PAK2: variants seen among roughly 807,000 people sequenced by gnomAD.
PAK2 encodes serine/threonine-protein kinase PAK 2.
In PAK2, 21 loss-of-function variants were observed where a neutral mutation model predicts 65.9. The ratio of observed to expected loss-of-function variants is 0.32; its 90% CI spans 0.23 to 0.46. The LOEUF (loss-of-function observed/expected upper bound fraction) is 0.46. Ranked by LOEUF, PAK2 falls within the 20% of genes least tolerant of loss-of-function variation. PAK2 has a pLI of 1.00. For synonymous variants in PAK2, 204 were observed against 219.7 expected (o/e 0.93, Z 0.63); for missense variants, 324 against 642.6 (o/e 0.50, Z 5.36).
Position 196,828,689 on chromosome 3 carries a change from T to A in PAK2, c.*284T>A, listed in dbSNP as rs1020170221. The A allele has an allele frequency of 2.6e-5, 9 of 346,510 alleles. No individual in the cohort carries two copies. The highest frequency in any genetic ancestry group is 8.8e-5 in the African/African-American group (4 of 45,294). The allele number at this position is 346,510 out of a possible 1,614,324, so 21.5% of individuals were successfully genotyped here. ...CAGGGCCATTTATCATGTGTGAGAT[T>A]TGCATTTTACTTTGCTGACTTTGTT... On this transcript the variant is annotated 3_prime_UTR_variant, in exon 15 of 15. Transcript: ENST00000327134.
intron 1 of PAK2, among the ~76,000 whole-genome samples, chr3:196,745,739 G>A (rs1577691980): frequency 1.3e-5 from 2 of 151,734 alleles, no homozygotes; most frequent in Non-Finnish European, 2.9e-5. Flanking sequence ...GTCTGAGCCC[G>A]GGAGGCGGAG....
chr3:196,780,416 C>T (rs1404389787), intron 1 of PAK2, among the ~76,000 whole-genome samples: 1 of 152,198 alleles, frequency 6.6e-6, no homozygotes, highest in East Asian at 1.9e-4. Flanking sequence ...TCACGTCTTA[C>T]GTGGATGGTG....
At chr3:196,775,313 A>G (rs982907482) in intron 1 of PAK2, among the ~76,000 whole-genome samples, 6 of 152,372 alleles carry the variant, frequency 3.9e-5, no homozygotes, top group African/African-American at 1.2e-4. Flanking sequence ...CTTTAGTTCT[A>G]TTAGACTGAG....
chr3:196,799,417 A>G (rs1192188985), intron 2 of PAK2, among the ~76,000 whole-genome samples: 1 of 152,182 alleles, frequency 6.6e-6, no homozygotes, highest in Non-Finnish European at 1.5e-5. Flanking sequence ...AAGCCCCAGT[A>G]AGAGAGTGTT....
At chr3:196,796,708 CAT>C (rs1333693141) in intron 2 of PAK2, among the ~76,000 whole-genome samples, 1 of 152,034 alleles carries the variant, frequency 6.6e-6, no homozygotes, top group Non-Finnish European at 1.5e-5. Flanking sequence ...TACTTTAAAA[CAT>C]AAAGCCACAA....
chr3:196,780,210 AAGAT>A (rs1560101669), intron 1 of PAK2, among the ~76,000 whole-genome samples: 3 of 152,050 alleles, frequency 2.0e-5, no homozygotes, highest in African/African-American at 7.2e-5. Flanking sequence ...TTTGCACACA[AAGAT>A]AGAGATCTTT....
chr3:196,805,819 C>CA (rs199798203), intron 5 of PAK2, among the ~76,000 whole-genome samples: 1,978 of 152,098 alleles, frequency 0.013, 20 homozygotes, highest in South Asian at 0.039. Context: ...TTTTTGGAAA[C>CA]AGTCGTTTTA....
At chr3:196,812,139 T>C in intron 8 of PAK2, 80 bp from the exon 9 acceptor site, 2 of 835,030 alleles carry the variant, frequency 2.4e-6, no homozygotes, top group Non-Finnish European at 4.2e-6. Flanking sequence ...TTTCAATTGC[T>C]TGAAGTGTAA....
intron 12 of PAK2, among the ~76,000 whole-genome samples, chr3:196,818,599 T>C (rs1711554329): frequency 6.6e-6 from 1 of 152,116 alleles, no homozygotes; most frequent in East Asian, 1.9e-4. Context: ...GCTACTGAAC[T>C]CAGGTATCTT....
At chr3:196,740,568 C>G (rs933389729) in intron 1 of PAK2, among the ~76,000 whole-genome samples, 2 of 152,178 alleles carry the variant, frequency 1.3e-5, no homozygotes, top group African/African-American at 2.4e-5. Context: ...CACTGATTCT[C>G]AGCCCCTGCT....
rs1715070509 is a variant in PAK2, at chr3:196,791,635, A to C, written c.187+8802A>C. ...TTTTTCTTTATGTGTTAAGAAATAT[A>C]ATTCCTGGGCCGGGCGTGGTGGCTC... On this transcript the variant is annotated intron_variant, in intron 2 of 14. Transcript: ENST00000327134. This position sits in a 1 kb window ranked among gnomAD's most constrained non-coding sequence, Gnocchi z 4.0. Among the ~76,000 whole-genome samples, 1 of 152,168 alleles carries C rather than the reference A, an allele frequency of 6.6e-6. No homozygotes were observed. The highest frequency in any genetic ancestry group is 1.5e-5 in the Non-Finnish European group (1 of 68,036).
rs1711966667 is a variant in PAK2, at chr3:196,828,720, AG to A, written c.*316del. On this transcript the variant is annotated 3_prime_UTR_variant, in exon 15 of 15. Coordinates refer to ENST00000327134, the MANE Select transcript of PAK2 (RefSeq NM_002577.4). ...TTTACTTTGCTGACTTTGTTGTAAT[AG>A]ATCCCATTCATTGTCCCCTTTGGGG... The A allele has an allele frequency of 7.1e-6, 2 of 282,604 alleles. No individual in the cohort carries two copies. Among genetic ancestry groups the A allele is most frequent in the Non-Finnish European group, 1.3e-5 (2 of 151,332 alleles). 17.5% of individuals were successfully genotyped at this position (282,604 alleles called of 1,614,324 possible). A position where few individuals can be genotyped will look rare whatever the true frequency, so the allele number is the denominator to read the frequency against.
chr3:196,751,661 ATTTATT>A (rs768338515), intron 1 of PAK2, among the ~76,000 whole-genome samples: 6,025 of 48,170 alleles, frequency 0.13, 1,014 homozygotes, highest in Non-Finnish European at 0.19. Flanking sequence ...AAACACACAA[ATTTATT>A]TATATACATA....
intron 8 of PAK2, among the ~76,000 whole-genome samples, chr3:196,811,230 CTTCCCTTCCT>C (rs1560113632): frequency 1.4e-4 from 1 of 6,938 alleles, no homozygotes; most frequent in Non-Finnish European, 3.0e-4. Context: ...CCTCCCTTCC[CTTCCCTTCCT>C]TCCCTCCCTC....
chr3:196,822,346 C>G (rs1711681940), intron 13 of PAK2, among the ~76,000 whole-genome samples: 1 of 152,278 alleles, frequency 6.6e-6, no homozygotes, highest in East Asian at 1.9e-4. Context: ...ATAATGGACT[C>G]TTGAGTACTG....
At chr3:196,813,457 CAAA>C (rs566020366) in intron 10 of PAK2, among the ~76,000 whole-genome samples, 2 of 60,952 alleles carry the variant, frequency 3.3e-5, no homozygotes, top group Non-Finnish European at 3.4e-5. Context: ...GACTCCATCT[CAAA>C]AAAAAAAAAA....
chr3:196,787,572 C>G (rs377548721), intron 2 of PAK2, among the ~76,000 whole-genome samples: 1 of 136,476 alleles, frequency 7.3e-6, no homozygotes, highest in Admixed American at 7.5e-5. Context: ...GAGCGAGACT[C>G]CGTCTCAGAA....
Position 196,828,443 on chromosome 3 carries a change from C to G in PAK2, c.*38C>G. On this transcript the variant is annotated 3_prime_UTR_variant, in exon 15 of 15. Transcript: ENST00000327134. ...GGCCTCATACTCTTTTTTCCATTTTCTACAAGAAGCCTTTTAGTATATGAA... is the reference window on the plus strand; with the variant it reads ...GGCCTCATACTCTTTTTTCCATTTTGTACAAGAAGCCTTTTAGTATATGAA... The G allele has an allele frequency of 8.5e-7, 1 of 1,180,826 alleles. No homozygotes were observed. Among genetic ancestry groups the G allele is most frequent in the African/African-American group, 1.5e-5 (1 of 66,072 alleles). The allele number at this position is 1,180,826 out of a possible 1,614,324, so 73.1% of individuals were successfully genotyped here.
intron 1 of PAK2, among the ~76,000 whole-genome samples, chr3:196,777,723 G>T (rs188917270): frequency 6.6e-6 from 1 of 152,170 alleles, no homozygotes; most frequent in Non-Finnish European, 1.5e-5. Context: ...AAACAAGTAC[G>T]TGTTGGTCTT....
Sources: gnomAD v4.1 joint callset for allele counts (sites outside exome capture counted in the v4.1 genomes callset) on GRCh38, gnomAD v4.1.1 for gene constraint, Gnocchi (gnomAD v3.1) non-coding constraint, MANE v1.5 for transcripts, NCBI Gene and HGNC (gene_info 2026-07-23, HGNC 2026-07-21) for gene names.